TPT1: variants seen among roughly 807,000 people sequenced by gnomAD.
The protein encoded by TPT1 is tumor protein, translationally-controlled 1.
Under a neutral mutation model 22.8 loss-of-function variants are expected in TPT1, and 5 were observed. The observed-to-expected ratio is 0.22, with a 90% CI of 0.11 to 0.46. The LOEUF is 0.46. TPT1 is among the 20% of genes least tolerant of loss of function. The pLI is 0.99. For synonymous variants in TPT1, 89 were observed against 73.6 expected (o/e 1.21, Z -1.07); for missense variants, 130 against 218.7 (o/e 0.59, Z 2.56).
Position 45,334,311 on chromosome 13 carries a change from A to T in TPT1, c.*3075T>A, listed in dbSNP as rs1878542316. ...AGTGCAGTGGGAGCACCTCTTAATT[A>T]CCTTTGTTGGTTTCTCTTTGTCAAC... On this transcript the variant is annotated 3_prime_UTR_variant, in exon 6 of 6. Transcript: ENST00000530705. The T allele has an allele frequency of 6.6e-6, 1 of 152,162 alleles. No individual in the cohort carries two copies. The highest frequency in any genetic ancestry group is 2.4e-5 in the African/African-American group (1 of 41,418). The allele number at this position is 152,162 out of a possible 1,614,324, so 9.4% of individuals were successfully genotyped here. A position where few individuals can be genotyped will look rare whatever the true frequency, so the allele number is the denominator to read the frequency against.
At position 45,338,524 on chromosome 13, in the gene TPT1, T is replaced by C. The variant is rs565859794; in HGVS notation, c.516+136A>G. ...TTTTTACATATGAAACACAATTCTC[T>C]TGATCCCCAAAGAGAAAACTAAAAC... On this transcript the variant is annotated intron_variant, in intron 5 of 5. Transcript: ENST00000530705. The C allele has an allele frequency of 6.9e-5, 99 of 1,443,238 alleles. No homozygotes were observed. In the African/African-American group the frequency reaches 1.4e-3, roughly 20 times the overall value. The allele number at this position is 1,443,238 out of a possible 1,614,324, so 89.4% of individuals were successfully genotyped here. A position where few individuals can be genotyped will look rare whatever the true frequency, so the allele number is the denominator to read the frequency against.
intron 4 of TPT1, chr13:45,339,195 T>C (rs1878913781): frequency 6.2e-6 from 2 of 324,020 alleles, no homozygotes; most frequent in African/African-American, 2.1e-5. Flanking sequence ...TTTCCAAAAG[T>C]AGAATTAACA....
chr13:45,340,450 G>C, intron 2 of TPT1: 1 of 737,862 alleles, frequency 1.4e-6, no homozygotes, highest in Admixed American at 2.0e-5. Flanking sequence ...AGTGGGGACA[G>C]GACAAACACG....
At position 45,341,086 on chromosome 13, in the gene TPT1, AGACGAC is replaced by A; in HGVS notation, c.-23_-18del. On this transcript the variant is annotated 5_prime_UTR_variant, in exon 1 of 6. Coordinates refer to ENST00000530705, the MANE Select transcript of TPT1 (RefSeq NM_003295.4). ...GATAATCATGATGGCGACTGAAGGG[AGACGAC>A]GACGGCGCTAGCTTAGCACGAGCCT... 6.2e-7 allele frequency: 1 copy of A among 1,612,826 alleles called. No individual in the cohort carries two copies. Among genetic ancestry groups the A allele is most frequent in the South Asian group, 1.1e-5 (1 of 90,932 alleles).
chr13:45,340,751 C>G lies in TPT1; in HGVS notation c.63G>C (p.Arg21=). ...DEMFSDIYKI[R]EIADGLCLEV... Reference sequence around the variant, plus strand: ...CCAGGCACAACCCGTCCGCGATCTCCCGGATCTTGTAGATGTCGGAGAACA... The same window carrying G: ...CCAGGCACAACCCGTCCGCGATCTCGCGGATCTTGTAGATGTCGGAGAACA... The change falls in exon 2 of 6, where the codon CGG becomes CGC. Residue 21 remains arginine, a synonymous_variant. Transcript: ENST00000530705. 2.0e-6 allele frequency: 3 copies of G among 1,520,962 alleles called. No homozygotes were observed. Among genetic ancestry groups the G allele is most frequent in the Non-Finnish European group, 2.6e-6 (3 of 1,135,602 alleles). 94.2% of individuals were successfully genotyped at this position (1,520,962 alleles called of 1,614,324 possible).
Position 45,340,571 on chromosome 13 carries a change from TC to T in TPT1, c.102+140del, listed in dbSNP as rs1354297512. ...CCAGGATCAGCTCCGCCTCCAGTTTTCTAGAAAAACCCAAGCCCGGAAAGAG... is the reference window on the plus strand; with the variant it reads ...CCAGGATCAGCTCCGCCTCCAGTTTTTAGAAAAACCCAAGCCCGGAAAGAG... On this transcript the variant is annotated intron_variant, in intron 2 of 5. Transcript: ENST00000530705. 3.7e-6 allele frequency: 4 copies of T among 1,066,704 alleles called. No homozygotes were observed. In the African/African-American group the frequency reaches 4.7e-5, roughly 13 times the overall value. 66.1% of individuals were successfully genotyped at this position (1,066,704 alleles called of 1,614,324 possible).
chr13:45,340,245 C>T (rs570367528), intron 2 of TPT1, 61 bp from the exon 3 acceptor site: 4 of 1,539,164 alleles, frequency 2.6e-6, no homozygotes, highest in Admixed American at 1.9e-5. Flanking sequence ...GCACCTTCCA[C>T]GCCAATAGTT....
chr13:45,338,570 A>G (rs1227326228), intron 5 of TPT1, 90 bp downstream of exon 5: 1 of 1,543,058 alleles, frequency 6.5e-7, no homozygotes, highest in African/African-American at 1.4e-5. Flanking sequence ...AACGCTGTAA[A>G]ACTCATTCTC....
At chr13:45,340,325 C>A in intron 2 of TPT1, 141 bp from the exon 3 acceptor site, 1 of 1,165,090 alleles carries the variant, frequency 8.6e-7, no homozygotes, top group Non-Finnish European at 1.2e-6. Flanking sequence ...AAAGTTGTGA[C>A]CCGTGGATTT....
rs1012449848 is a variant in TPT1, at chr13:45,341,150, G to A, written c.-81C>T. The A allele has an allele frequency of 2.1e-5, 33 of 1,574,778 alleles. No homozygotes were observed. Among genetic ancestry groups the A allele is most frequent in the Middle Eastern group, 1.7e-4 (1 of 6,026 alleles). On this transcript the variant is annotated 5_prime_UTR_variant, in exon 1 of 6. Coordinates refer to ENST00000530705, the MANE Select transcript of TPT1 (RefSeq NM_003295.4). The stretch of plus-strand genomic sequence containing the variant: ...GGAGCGAGCGCGGTGCAGCCGGAGC[G>A]GCGCTCGGGGGGAGGGGGGAGCGGG...
chr13:45,339,219 TAGA>T (rs1251514100), intron 4 of TPT1: 3 of 372,206 alleles, frequency 8.1e-6, no homozygotes, highest in African/African-American at 6.3e-5. Flanking sequence ...TCAGATACAT[TAGA>T]AGGAGGACCA....
chr13:45,339,848 G>T, intron 3 of TPT1, 146 bp downstream of exon 3: 2 of 935,830 alleles, frequency 2.1e-6, no homozygotes, highest in Non-Finnish European at 1.6e-6. Flanking sequence ...TTATAGAAAA[G>T]CAACCACTCT....
rs1319462902 is a variant in TPT1 at position 45,334,801 on chromosome 13, C to T, written c.*2585G>A. 2 of 152,324 alleles carry T rather than the reference C, an allele frequency of 1.3e-5. No individual in the cohort carries two copies. Among genetic ancestry groups the T allele is most frequent in the South Asian group, 2.1e-4 (1 of 4,824 alleles). The allele number at this position is 152,324 out of a possible 1,614,324, so 9.4% of individuals were successfully genotyped here. A position where few individuals can be genotyped will look rare whatever the true frequency, so the allele number is the denominator to read the frequency against. On this transcript the variant is annotated 3_prime_UTR_variant, in exon 6 of 6. Transcript: ENST00000530705. ...TGTGGTTTCCTTGAGGTCTGGTCTT[C>T]CTTCCTTGCACACTCCCACTGCTTT... is the stretch of plus-strand genomic sequence containing the variant.
intron 5 of TPT1, among the ~76,000 whole-genome samples, chr13:45,337,822 T>A (rs1566175945): frequency 6.6e-6 from 1 of 152,228 alleles, no homozygotes; most frequent in Non-Finnish European, 1.5e-5. Flanking sequence ...CAGAAGCCTA[T>A]GAAAACTAGG....
At position 45,337,097 on chromosome 13, in the gene TPT1, A is replaced by G; in HGVS notation, c.*289T>C. 1 of 469,202 alleles carries G rather than the reference A, an allele frequency of 2.1e-6. No homozygotes were observed. The highest frequency in any genetic ancestry group is 2.4e-5 in the South Asian group (1 of 41,684). 29.1% of individuals were successfully genotyped at this position (469,202 alleles called of 1,614,324 possible). A position where few individuals can be genotyped will look rare whatever the true frequency, so the allele number is the denominator to read the frequency against. ...GTTAATTGATGAGTAGTAGCCTACA[A>G]TCAGGCTCTAGCTTCTCCAGGAACA... is the stretch of plus-strand genomic sequence containing the variant. On this transcript the variant is annotated 3_prime_UTR_variant, in exon 6 of 6. Coordinates refer to ENST00000530705, the MANE Select transcript of TPT1 (RefSeq NM_003295.4).
intron 5 of TPT1, chr13:45,338,424 T>C: frequency 1.4e-6 from 1 of 737,586 alleles, no homozygotes; most frequent in South Asian, 2.5e-5. Flanking sequence ...CAGCCTAAAC[T>C]GTACTTTATT....
chr13:45,338,491 C>T (rs1878863897), intron 5 of TPT1, 169 bp downstream of exon 5: 1 of 1,334,752 alleles, frequency 7.5e-7, no homozygotes, highest in Non-Finnish European at 1.0e-6. Flanking sequence ...TTTTTATACC[C>T]TAAGAATTTT....
rs1184930127 is a variant in TPT1, at chr13:45,334,191, C to G, written c.*3195G>C. 3.3e-5 allele frequency: 5 copies of G among 152,212 alleles called. No individual in the cohort carries two copies. The highest frequency in any genetic ancestry group is 1.2e-4 in the African/African-American group (5 of 41,400). The allele number at this position is 152,212 out of a possible 1,614,324, so 9.4% of individuals were successfully genotyped here. A position where few individuals can be genotyped will look rare whatever the true frequency, so the allele number is the denominator to read the frequency against. On this transcript the variant is annotated 3_prime_UTR_variant, in exon 6 of 6. Transcript: ENST00000530705. The stretch of plus-strand genomic sequence containing the variant: ...CCTCCCAAATTCCTGGGGCTACAGG[C>G]ATGAGCCATGGTTCCTGGCTAAATT...
chr13:45,340,214 A>G, intron 2 of TPT1, 30 bp from the exon 3 acceptor site: 4 of 1,595,102 alleles, frequency 2.5e-6, no homozygotes, highest in Non-Finnish European at 3.4e-6. Flanking sequence ...TATAATTGCA[A>G]AAGACACAAA....
Sources: gnomAD v4.1 joint callset for allele counts (sites outside exome capture counted in the v4.1 genomes callset) on GRCh38, gnomAD v4.1.1 for gene constraint, MANE v1.5 for transcripts, NCBI Gene and HGNC (gene_info 2026-07-23, HGNC 2026-07-21) for gene names.